The following EPB41L2 variants were observed in gnomAD, a reference collection of about 807,000 sequenced individuals.
The protein encoded by EPB41L2 is band 4.1-like protein 2.
A neutral mutation model predicts 113.0 loss-of-function variants in EPB41L2; 43 were observed. The ratio of observed to expected loss-of-function variants is 0.38; its 90% CI spans 0.30 to 0.49. EPB41L2 has a LOEUF of 0.49. EPB41L2 is among the 20% of genes least tolerant of loss of function. The probability of loss-of-function intolerance (pLI) is 0.95; values close to 1 mark genes in which losing one functional copy is unlikely to be tolerated. For synonymous variants in EPB41L2, 442 were observed against 436.7 expected (o/e 1.01, Z -0.15); for missense variants, 1,147 against 1,223.4 (o/e 0.94, Z 0.93).
At chr6:130,910,612 T>G (rs544538102) in intron 4 of EPB41L2, among the ~76,000 whole-genome samples, 4 of 152,174 alleles carry the variant, frequency 2.6e-5, no homozygotes, top group East Asian at 3.9e-4. Context: ...GGGAGAAAAT[T>G]TTTGCAATCT....
At chr6:131,031,098 A>AG (rs972349571) in intron 1 of EPB41L2, among the ~76,000 whole-genome samples, 3 of 152,128 alleles carry the variant, frequency 2.0e-5, no homozygotes, top group Admixed American at 1.3e-4. Flanking sequence ...TCTAAAAAAA[A>AG]AAAGTTTATA....
intron 1 of EPB41L2, among the ~76,000 whole-genome samples, chr6:130,981,588 A>G (rs1779392107): frequency 6.6e-6 from 1 of 152,164 alleles, no homozygotes; most frequent in Non-Finnish European, 1.5e-5. Context: ...GCACACAAAT[A>G]CTATCTCTGG....
At chr6:130,948,018 TTTTGCTATGAACTCAAA>T (rs1813527816) in intron 3 of EPB41L2, among the ~76,000 whole-genome samples, 1 of 152,174 alleles carries the variant, frequency 6.6e-6, no homozygotes, top group South Asian at 2.1e-4. Context: ...TCAAACTCCA[TTTTGCTATGAACTCAAA>T]AGAAAAAGAA....
intron 1 of EPB41L2, among the ~76,000 whole-genome samples, chr6:131,027,351 G>C (rs1791109856): frequency 6.6e-6 from 1 of 152,118 alleles, no homozygotes; most frequent in Non-Finnish European, 1.5e-5. Flanking sequence ...ATCTAAATGT[G>C]CATCACCCAC....
At chr6:131,052,014 G>T (rs181417596) in intron 1 of EPB41L2, among the ~76,000 whole-genome samples, 19 of 149,772 alleles carry the variant, frequency 1.3e-4, no homozygotes, top group Non-Finnish European at 2.4e-4. Flanking sequence ...TCGGCTCACT[G>T]CAACCTCCAC....
chr6:130,990,608 C>T (rs962214998), intron 1 of EPB41L2, among the ~76,000 whole-genome samples: 1 of 152,020 alleles, frequency 6.6e-6, no homozygotes, highest in African/African-American at 2.4e-5. Context: ...TACGAAGCAG[C>T]AAATTGTGAT....
intron 19 of EPB41L2, among the ~76,000 whole-genome samples, chr6:130,856,859 C>G (rs1780394092): frequency 6.6e-6 from 1 of 152,084 alleles, no homozygotes. Context: ...TTAACTAATC[C>G]CCTACTCTTG....
At chr6:130,887,925 C>T (rs548996153) in intron 11 of EPB41L2, among the ~76,000 whole-genome samples, 6 of 152,112 alleles carry the variant, frequency 3.9e-5, no homozygotes, top group Non-Finnish European at 7.4e-5. Context: ...AGGGGACTCC[C>T]TGTCCTAAAA....
At chr6:130,935,038 T>C (rs1223979066) in intron 3 of EPB41L2, among the ~76,000 whole-genome samples, 2 of 152,176 alleles carry the variant, frequency 1.3e-5, no homozygotes, top group Non-Finnish European at 2.9e-5. Flanking sequence ...ATCTTTTCCA[T>C]TCCACAGGAT....
intron 4 of EPB41L2, among the ~76,000 whole-genome samples, chr6:130,911,463 A>G (rs949826699): frequency 4.6e-5 from 7 of 152,234 alleles, no homozygotes; most frequent in Admixed American, 1.3e-4. Context: ...TGGCACGTGT[A>G]TACCTATGTA....
Position 130,973,075 on chromosome 6 carries a change from G to A in EPB41L2, c.-14-16576C>T, listed in dbSNP as rs1246135355. ...TGCAGTGAGCCGAGATCGTGCCATT[G>A]CACTCCAGCCTGAGTGGCTCCATCT... On this transcript the variant is annotated intron_variant, in intron 1 of 19. Coordinates refer to ENST00000337057, the MANE Select transcript of EPB41L2 (RefSeq NM_001431.4). 2.6e-5 allele frequency among the ~76,000 whole-genome samples: 4 copies of A among 151,978 alleles called. No individual in the cohort carries two copies. In the East Asian group the frequency reaches 7.7e-4, roughly 29 times the overall value.
intron 17 of EPB41L2, among the ~76,000 whole-genome samples, chr6:130,864,066 T>C (rs116114005): frequency 2.6e-5 from 4 of 152,228 alleles, no homozygotes; most frequent in East Asian, 1.9e-4. Context: ...AATTCTGTTA[T>C]AGTTTCCCGA....
At chr6:131,014,790 C>T (rs1787812365) in intron 1 of EPB41L2, among the ~76,000 whole-genome samples, 1 of 152,178 alleles carries the variant, frequency 6.6e-6, no homozygotes, top group South Asian at 2.1e-4. Flanking sequence ...GAGTATTTTT[C>T]AGTCAGAGTC....
chr6:130,901,205 G>T (rs1268301151), intron 6 of EPB41L2, 25 bp from the exon 7 acceptor site: 1 of 1,605,568 alleles, frequency 6.2e-7, no homozygotes. Flanking sequence ...GGGAGAAATG[G>T]GTCAGGGGAG....
intron 1 of EPB41L2, among the ~76,000 whole-genome samples, chr6:130,958,468 C>A (rs11396307): frequency 0.016 from 1,799 of 113,652 alleles, 24 homozygotes; most frequent in Non-Finnish European, 0.025. Flanking sequence ...ACAACAACAA[C>A]AAAAAAAAAA....
At chr6:130,871,067 CT>C (rs1338225457) in intron 14 of EPB41L2, among the ~76,000 whole-genome samples, 3 of 152,138 alleles carry the variant, frequency 2.0e-5, no homozygotes, top group Non-Finnish European at 4.4e-5. Flanking sequence ...ATGTTCACTC[CT>C]ATCCCCTTCA....
intron 19 of EPB41L2, among the ~76,000 whole-genome samples, chr6:130,853,348 T>C (rs1026485896): frequency 6.6e-6 from 1 of 152,208 alleles, no homozygotes; most frequent in Non-Finnish European, 1.5e-5. Flanking sequence ...TCATTCTTTC[T>C]GAGACCACAC....
intron 1 of EPB41L2, among the ~76,000 whole-genome samples, chr6:130,970,890 TCTTA>T (rs1584114475): frequency 1.3e-5 from 2 of 152,108 alleles, no homozygotes; most frequent in Admixed American, 6.5e-5. Flanking sequence ...TTTTAAATTT[TCTTA>T]CTTATTTTCA....
At chr6:130,863,598 A>G in intron 18 of EPB41L2, 40 bp downstream of exon 18, 3 of 1,411,494 alleles carry the variant, frequency 2.1e-6, no homozygotes, top group Non-Finnish European at 3.0e-6. Flanking sequence ...CTTAGAAAAC[A>G]AACAGGGCCA....
Sources: gnomAD v4.1 joint callset for allele counts (sites outside exome capture counted in the v4.1 genomes callset) on GRCh38, gnomAD v4.1.1 for gene constraint, MANE v1.5 for transcripts, NCBI Gene and HGNC (gene_info 2026-07-23, HGNC 2026-07-21) for gene names.